MAP4K3: variants seen among roughly 807,000 people sequenced by gnomAD.
MAP4K3 encodes mitogen-activated protein kinase kinase kinase kinase 3.
Under a neutral mutation model 143.5 loss-of-function variants are expected in MAP4K3, and 94 were observed. The observed-to-expected ratio is 0.65, with a 90% confidence interval of 0.55 to 0.78. MAP4K3 has a LOEUF of 0.78. Ranked by LOEUF, MAP4K3 falls within the 30% of genes least tolerant of loss-of-function variation. MAP4K3 has a pLI of 0.00. For missense variants in MAP4K3, 1,077 were observed against 1,068.1 expected, an observed-to-expected ratio of 1.01 and a Z score of -0.12; for synonymous variants, 416 against 347.2, an observed-to-expected ratio of 1.20 and a Z score of -2.20.
At chr2:39,301,781 C>G (rs888111711) in intron 15 of MAP4K3, among the ~76,000 whole-genome samples, 2 of 152,006 alleles carry the variant, frequency 1.3e-5, no homozygotes, top group African/African-American at 4.8e-5. Context: ...CCCAGCACTT[C>G]GGGAGGGCCG....
At chr2:39,404,163 G>C (rs1445170867) in intron 1 of MAP4K3, among the ~76,000 whole-genome samples, 2 of 152,078 alleles carry the variant, frequency 1.3e-5, no homozygotes, top group Admixed American at 6.6e-5. Flanking sequence ...AGTTGTGGTA[G>C]CTACAGTGAA....
In MAP4K3 at chr2:39,405,091, T is replaced by A. The variant is rs57232122; in HGVS notation, c.97-26968A>T. Among the ~76,000 whole-genome samples, 258 of 152,228 alleles carry A rather than the reference T, an allele frequency of 1.7e-3. 6 individuals are homozygous for A. The East Asian group carries it at 0.025, about 14-fold the overall frequency. On this transcript the variant is annotated intron_variant, in intron 1 of 33. Transcript: ENST00000263881. ...TGAGCAAACATAGGCAGTAACCAGG[T>A]AGGGGTCACAGCGGGCCTTGGGCAA...
chr2:39,385,774 C>T (rs765433538), intron 1 of MAP4K3, among the ~76,000 whole-genome samples: 12 of 151,546 alleles, frequency 7.9e-5, no homozygotes, highest in Non-Finnish European at 1.3e-4. Context: ...AGATTACAAG[C>T]AACTGCCACC....
At chr2:39,337,082 T>C (rs1664990148) in intron 5 of MAP4K3, 115 bp from the exon 6 acceptor site, 9 of 520,018 alleles carry the variant, frequency 1.7e-5, no homozygotes, top group South Asian at 1.0e-4. Context: ...TTACAGGAGA[T>C]CTAGTACTAA....
intron 3 of MAP4K3, among the ~76,000 whole-genome samples, chr2:39,354,021 T>C (rs922733046): frequency 6.6e-6 from 1 of 152,142 alleles, no homozygotes; most frequent in African/African-American, 2.4e-5. Context: ...AAAGATACGA[T>C]TTGTCTCTGG....
intron 24 of MAP4K3, among the ~76,000 whole-genome samples, chr2:39,277,677 G>A (rs1190843098): frequency 6.6e-6 from 1 of 151,856 alleles, no homozygotes; most frequent in African/African-American, 2.4e-5. Context: ...TGACTCTCCT[G>A]TCTCAGCCTT....
At chr2:39,379,812 GA>G (rs910516264) in intron 1 of MAP4K3, 34 of 168,828 alleles carry the variant, frequency 2.0e-4, no homozygotes, top group African/African-American at 7.7e-4. Context: ...TGTGAACTCA[GA>G]AAGCTAGGAT....
intron 2 of MAP4K3, among the ~76,000 whole-genome samples, chr2:39,361,384 C>G (rs1665766594): frequency 6.6e-6 from 1 of 151,680 alleles, no homozygotes; most frequent in African/African-American, 2.4e-5. Flanking sequence ...GCACATTAGA[C>G]TCTTTCAATA....
chr2:39,251,862 G>A lies in MAP4K3; in HGVS notation c.2565C>T (p.Ser855=). The change falls in exon 33 of 34, where the codon AGC becomes AGT. Residue 855 remains serine, a synonymous_variant. Coordinates refer to ENST00000263881, the MANE Select transcript of MAP4K3 (RefSeq NM_003618.4). ...ATCCAAGCAGCCTGAAAATTCTTGTGCTATCTGAAATTTCTTGTGTTACCT... is the reference window on the plus strand; with the variant it reads ...ATCCAAGCAGCCTGAAAATTCTTGTACTATCTGAAATTTCTTGTGTTACCT... ...SNEVTQEISD[S]TRIFRLLGSD... 1 of 1,613,496 alleles carries A rather than the reference G, an allele frequency of 6.2e-7. No homozygotes were observed. The highest frequency in any genetic ancestry group is 1.1e-5 in the South Asian group (1 of 91,024).
Position 39,265,291 on chromosome 2 carries a change from G to T in MAP4K3, c.2048C>A (p.Thr683Lys), listed in dbSNP as rs745338606. 1.9e-6 allele frequency: 3 copies of T among 1,610,254 alleles called. No homozygotes were observed. Among genetic ancestry groups the T allele is most frequent in the Non-Finnish European group, 2.5e-6 (3 of 1,176,878 alleles). Reference sequence around the variant, plus strand: ...TGCTCCACATAGGTATTTATGGCCCGTGTAAGGATTTCTTACTGTCAAAGC... The same window carrying T: ...TGCTCCACATAGGTATTTATGGCCCTTGTAAGGATTTCTTACTGTCAAAGC... ...QKCCVVRNPY[T>K]GHKYLCGALQ... Residue 683 changes from threonine to lysine, a missense_variant, in exon 28 of 34, where the codon ACG (threonine) becomes AAG (lysine). This residue lies in a region of MAP4K3 where 864 missense variants were observed against 801.2 expected (regional missense o/e 1.08). Coordinates refer to ENST00000263881, the MANE Select transcript of MAP4K3 (RefSeq NM_003618.4).
rs1664969506 is a variant in MAP4K3 at position 39,336,505 on chromosome 2, TATGAG to T, written c.414+410_414+414del. 2.7e-5 allele frequency among the ~76,000 whole-genome samples: 3 copies of T among 112,914 alleles called. No homozygotes were observed. In the South Asian group the frequency reaches 9.3e-4, roughly 35 times the overall value. The allele number at this position is 112,914 out of a possible 152,430, so 74.1% of individuals were successfully genotyped here. On this transcript the variant is annotated intron_variant, in intron 6 of 33. Transcript: ENST00000263881. Reference sequence around the variant, plus strand: ...AAAAAAAAAAAAAAAAAAAAAAGACTATGAGAAAGTGTCAAAGGTCAATTTATCCA... The same window carrying T: ...AAAAAAAAAAAAAAAAAAAAAAGACTAAAGTGTCAAAGGTCAATTTATCCA...
chr2:39,411,043 A>G (rs1667218783), intron 1 of MAP4K3, among the ~76,000 whole-genome samples: 1 of 152,184 alleles, frequency 6.6e-6, no homozygotes, highest in Non-Finnish European at 1.5e-5. Context: ...AACAGAATCT[A>G]TGTCTTTTTA....
At chr2:39,284,218 G>A (rs1681667034) in intron 21 of MAP4K3, among the ~76,000 whole-genome samples, 1 of 151,924 alleles carries the variant, frequency 6.6e-6, no homozygotes, top group African/African-American at 2.4e-5. Context: ...CTGGAGTGCA[G>A]GGGCACGATA....
intron 19 of MAP4K3, among the ~76,000 whole-genome samples, chr2:39,289,205 G>C (rs1407950304): frequency 6.6e-6 from 1 of 152,106 alleles, no homozygotes; most frequent in Non-Finnish European, 1.5e-5. Flanking sequence ...TCTTATTATT[G>C]CTCAGCACTT....
chr2:39,278,353 G>A, intron 24 of MAP4K3, 54 bp downstream of exon 24: 1 of 1,015,746 alleles, frequency 9.8e-7, no homozygotes, highest in Admixed American at 2.3e-5. Context: ...GGTCTAATGT[G>A]TACTTATGGT....
chr2:39,296,563 C>T (rs1316769919), intron 16 of MAP4K3, among the ~76,000 whole-genome samples: 1 of 152,128 alleles, frequency 6.6e-6, no homozygotes, highest in Non-Finnish European at 1.5e-5. Flanking sequence ...TGGCAGAGGT[C>T]TAAAATGACC....
chr2:39,313,113 G>A (rs1682995743), intron 13 of MAP4K3, among the ~76,000 whole-genome samples: 2 of 152,170 alleles, frequency 1.3e-5, no homozygotes, highest in South Asian at 4.1e-4. Flanking sequence ...ATTCCCTAAA[G>A]TTATGACAAG....
chr2:39,325,763 C>T lies in MAP4K3; in HGVS notation c.774G>A (p.Pro258=), dbSNP rs765505176. The part of the protein sequence containing the change: ...HFVKMALTKN[P]KKRPTAEKLL... The stretch of plus-strand genomic sequence containing the variant: ...ATTTTTCAGCAGTAGGTCTTTTTTT[C>T]GGATTTTTGGTAAGTGCCATTTTCA... The change falls in exon 11 of 34, where the codon CCG becomes CCA. Residue 258 remains proline (P), a synonymous_variant. Coordinates refer to ENST00000263881, the MANE Select transcript of MAP4K3 (RefSeq NM_003618.4). 6.2e-6 allele frequency: 10 copies of T among 1,608,534 alleles called. No individual in the cohort carries two copies. Among genetic ancestry groups the T allele is most frequent in the African/African-American group, 2.7e-5 (2 of 74,514 alleles).
intron 23 of MAP4K3, among the ~76,000 whole-genome samples, chr2:39,279,180 C>T (rs1681401362): frequency 6.6e-6 from 1 of 152,170 alleles, no homozygotes; most frequent in Non-Finnish European, 1.5e-5. Flanking sequence ...TAAGATAATA[C>T]AGGTCAAGAA....
Sources: gnomAD v4.1 joint callset for allele counts (sites outside exome capture counted in the v4.1 genomes callset) on GRCh38, gnomAD v4.1.1 for gene constraint, gnomAD v4.1.1 regional missense constraint, MANE v1.5 for transcripts, NCBI Gene and HGNC (gene_info 2026-07-23, HGNC 2026-07-21) for gene names.